The following UBE2D2 variants were observed in gnomAD, a reference collection of about 807,000 sequenced individuals.
UBE2D2 encodes ubiquitin conjugating enzyme E2 D2.
Under a neutral mutation model 24.2 loss-of-function variants are expected in UBE2D2, and 2 were observed. That is an observed-to-expected ratio of 0.08 (90% CI 0.03 to 0.26). UBE2D2 has a LOEUF of 0.26. UBE2D2 is among the 10% of genes least tolerant of loss of function. UBE2D2 has a pLI of 1.00. For synonymous variants in UBE2D2, 58 were observed against 56.5 expected, an observed-to-expected ratio of 1.03 and a Z score of -0.12; for missense variants, 44 against 177.6, an observed-to-expected ratio of 0.25 and a Z score of 4.28.
At chr5:139,609,763 CTTTTTTTG>C (rs1179856292) in intron 2 of UBE2D2, among the ~76,000 whole-genome samples, 4 of 144,478 alleles carry the variant, frequency 2.8e-5, no homozygotes, top group South Asian at 2.2e-4. Flanking sequence ...TTCTTTCTTT[CTTTTTTTG>C]TTTTTTTGTT....
intron 1 of UBE2D2, among the ~76,000 whole-genome samples, chr5:139,566,107 C>T (rs1246521116): frequency 6.6e-6 from 1 of 150,942 alleles, no homozygotes; most frequent in African/African-American, 2.4e-5. Context: ...CAAACTCTGG[C>T]TCCCAGGGTC....
At chr5:139,602,996 A>G (rs996463625) in intron 2 of UBE2D2, among the ~76,000 whole-genome samples, 2 of 152,138 alleles carry the variant, frequency 1.3e-5, no homozygotes, top group African/African-American at 4.8e-5. Flanking sequence ...AGGTGAGTGG[A>G]GTAGAAATTT....
At chr5:139,626,172 G>C (rs918854204) in intron 6 of UBE2D2, among the ~76,000 whole-genome samples, 1 of 151,780 alleles carries the variant, frequency 6.6e-6, no homozygotes, top group South Asian at 2.1e-4. Context: ...GAGCTCAAAC[G>C]ATCTTCCCAC....
chr5:139,561,045 T>C (rs1228371923), upstream of UBE2D2: 1 of 152,700 alleles, frequency 6.5e-6, no homozygotes. Flanking sequence ...AACATTCGCC[T>C]TTTAATATTT....
intron 1 of UBE2D2, among the ~76,000 whole-genome samples, chr5:139,533,779 A>T (rs1752627898): frequency 6.8e-6 from 1 of 147,454 alleles, no homozygotes; most frequent in Non-Finnish European, 1.5e-5. Context: ...CATAAATTAA[A>T]AAACATCTTT....
chr5:139,550,988 G>C (rs543452450), intron 1 of UBE2D2, among the ~76,000 whole-genome samples: 2 of 152,148 alleles, frequency 1.3e-5, no homozygotes, highest in African/African-American at 2.4e-5. Context: ...ACGGCTCTCA[G>C]CACCACTGAC....
chr5:139,538,965 G>A (rs997569772), intron 1 of UBE2D2, among the ~76,000 whole-genome samples: 1 of 152,034 alleles, frequency 6.6e-6, no homozygotes, highest in Non-Finnish European at 1.5e-5. Context: ...GCAACAAAAG[G>A]GACGAATGTT....
Position 139,579,234 on chromosome 5 carries a change from G to A in UBE2D2, c.24+17419G>A, listed in dbSNP as rs895235918. Among the ~76,000 whole-genome samples, 53 of 152,168 alleles carry A rather than the reference G, an allele frequency of 3.5e-4. 1 individual carries two copies. The highest frequency in any genetic ancestry group is 6.6e-5 in the Admixed American group (1 of 15,266). On this transcript the variant is annotated intron_variant, in intron 1 of 6. Coordinates refer to ENST00000398733, the MANE Select transcript of UBE2D2 (RefSeq NM_003339.3). ...GCGATCTTGGCTCGCTGCAACCTCT[G>A]CCTCCCCGGTTCAAGCAATTCTCCT...
intron 1 of UBE2D2, among the ~76,000 whole-genome samples, chr5:139,572,111 C>G (rs1031835946): frequency 6.6e-6 from 1 of 152,192 alleles, no homozygotes; most frequent in African/African-American, 2.4e-5. Flanking sequence ...TTGCCACATT[C>G]AGTGGATACC....
chr5:139,570,788 A>G (rs1280447862), intron 1 of UBE2D2, among the ~76,000 whole-genome samples: 2 of 152,066 alleles, frequency 1.3e-5, no homozygotes, highest in Admixed American at 1.3e-4. Flanking sequence ...CCTGACCTCA[A>G]GTGATCCACC....
At chr5:139,589,119 G>C (rs553919176) in intron 1 of UBE2D2, among the ~76,000 whole-genome samples, 1 of 152,194 alleles carries the variant, frequency 6.6e-6, no homozygotes, top group East Asian at 1.9e-4. Flanking sequence ...TTAGCAGAGC[G>C]TCTTTGGTTT....
intron 1 of UBE2D2, among the ~76,000 whole-genome samples, chr5:139,527,009 GA>G (rs1752548883): frequency 1.3e-5 from 2 of 152,042 alleles, no homozygotes; most frequent in South Asian, 2.1e-4. Context: ...TGTCTCGGAA[GA>G]AAAAAATATG....
At chr5:139,539,312 C>T (rs1040998644) in intron 1 of UBE2D2, among the ~76,000 whole-genome samples, 1 of 152,100 alleles carries the variant, frequency 6.6e-6, no homozygotes, top group Admixed American at 6.6e-5. Context: ...CATGAGCCAC[C>T]GCACCTGGCC....
intron 1 of UBE2D2, among the ~76,000 whole-genome samples, chr5:139,548,440 T>C (rs1752866891): frequency 6.6e-6 from 1 of 151,876 alleles, no homozygotes; most frequent in African/African-American, 2.4e-5. Flanking sequence ...CGATCCATCC[T>C]CTGCTGATGC....
chr5:139,535,042 G>A (rs962774736), intron 1 of UBE2D2, among the ~76,000 whole-genome samples: 6 of 151,982 alleles, frequency 3.9e-5, no homozygotes, highest in African/African-American at 1.5e-4. Context: ...AGGAGGCTGA[G>A]GTGGGGAGAA....
intron 1 of UBE2D2, among the ~76,000 whole-genome samples, chr5:139,589,490 G>A (rs1157526028): frequency 6.6e-6 from 1 of 152,096 alleles, no homozygotes; most frequent in Non-Finnish European, 1.5e-5. Flanking sequence ...AACCTGGGAG[G>A]TGGAGGTTGC....
chr5:139,563,959 A>G (rs1374966920), intron 1 of UBE2D2, among the ~76,000 whole-genome samples: 4 of 152,124 alleles, frequency 2.6e-5, no homozygotes, highest in Non-Finnish European at 5.9e-5. Context: ...GTAGACTTTA[A>G]TCTCTACATT....
intron 2 of UBE2D2, among the ~76,000 whole-genome samples, chr5:139,608,599 A>C (rs1754246394): frequency 1.3e-5 from 2 of 152,060 alleles, no homozygotes; most frequent in African/African-American, 4.8e-5. Context: ...TATTTTAAAA[A>C]AAAAAGAAGA....
At chr5:139,623,910 C>T (rs535726192) in intron 6 of UBE2D2, among the ~76,000 whole-genome samples, 161 of 152,158 alleles carry the variant, frequency 1.1e-3, no homozygotes, top group Middle Eastern at 0.01. Flanking sequence ...AGGCTGGTTT[C>T]GAACTCCTGA....
Sources: allele counts gnomAD v4.1 joint callset (sites outside exome capture counted in the v4.1 genomes callset), GRCh38; gene constraint gnomAD v4.1.1; transcripts MANE v1.5; gene names NCBI Gene and HGNC (gene_info 2026-07-23, HGNC 2026-07-21).